NHSL1: variants seen among roughly 807,000 people sequenced by gnomAD.
NHSL1 encodes the protein NHS-like protein 1.
Under a neutral mutation model 95.0 loss-of-function variants are expected in NHSL1, and 48 were observed. The observed-to-expected ratio is 0.51, with a 90% CI of 0.40 to 0.64. The LOEUF is 0.64. Ranked by LOEUF, NHSL1 falls within the 30% of genes least tolerant of loss-of-function variation. The probability of loss-of-function intolerance (pLI) is 0.00; values close to 1 mark genes in which losing one functional copy is unlikely to be tolerated. For missense variants in NHSL1, 1,971 were observed against 2,077.7 expected (o/e 0.95, Z 1.00); for synonymous variants, 783 against 833.9 (o/e 0.94, Z 1.05).
At chr6:138,677,809 CCCA>C (rs1170325136) in intron 1 of NHSL1, among the ~76,000 whole-genome samples, 1 of 152,194 alleles carries the variant, frequency 6.6e-6, no homozygotes, top group African/African-American at 2.4e-5. Context: ...GTCTGCTGGG[CCCA>C]CCCCCAGTGA....
At chr6:138,662,712 C>T (rs1299569995) in intron 1 of NHSL1, among the ~76,000 whole-genome samples, 2 of 151,852 alleles carry the variant, frequency 1.3e-5, no homozygotes, top group Non-Finnish European at 2.9e-5. Flanking sequence ...TATATGACGA[C>T]TATTCATTTA....
intron 1 of NHSL1, among the ~76,000 whole-genome samples, chr6:138,666,590 CAAAA>C (rs10564684): frequency 1.2e-3 from 104 of 89,294 alleles, no homozygotes; most frequent in African/African-American, 4.3e-3. Flanking sequence ...GCCTCCATCT[CAAAA>C]AAAAAAAAAA....
intron 1 of NHSL1, among the ~76,000 whole-genome samples, chr6:138,556,091 C>A (rs535822952): frequency 2.0e-5 from 3 of 152,114 alleles, no homozygotes; most frequent in African/African-American, 4.8e-5. Flanking sequence ...CATATATTTA[C>A]TAAAATGCTT....
At chr6:138,581,490 G>A (rs1006777743) in intron 1 of NHSL1, among the ~76,000 whole-genome samples, 3 of 151,730 alleles carry the variant, frequency 2.0e-5, no homozygotes, top group Non-Finnish European at 2.9e-5. Flanking sequence ...TCAGAAGTTC[G>A]AGACCAGCCT....
At chr6:138,653,810 A>T (rs1457242261) in intron 1 of NHSL1, among the ~76,000 whole-genome samples, 2 of 152,222 alleles carry the variant, frequency 1.3e-5, no homozygotes, top group Non-Finnish European at 2.9e-5. Flanking sequence ...TATTCAAAAC[A>T]CAAATACATA....
chr6:138,512,254 C>G (rs1433344464), intron 1 of NHSL1: 1 of 453,868 alleles, frequency 2.2e-6, no homozygotes, highest in Non-Finnish European at 4.4e-6. Context: ...CTTATTACAA[C>G]TGCTTTCTGA....
At chr6:138,668,630 T>C (rs184906043) in intron 1 of NHSL1, among the ~76,000 whole-genome samples, 22 of 149,168 alleles carry the variant, frequency 1.5e-4, no homozygotes, top group African/African-American at 5.1e-4. Context: ...TTTTTTCTTT[T>C]TTTTTTTTTT....
chr6:138,489,407 CAA>C (rs1271960238), intron 2 of NHSL1, among the ~76,000 whole-genome samples: 1 of 152,026 alleles, frequency 6.6e-6, no homozygotes, highest in African/African-American at 2.4e-5. Context: ...TAGTATGTAA[CAA>C]AGTCAGGATT....
Position 138,469,312 on chromosome 6 carries a change from G to A in NHSL1, c.339+3994C>T, listed in dbSNP as rs9495088. Among the ~76,000 whole-genome samples, 1,223 of 152,316 alleles carry A rather than the reference G, an allele frequency of 8.0e-3. 11 individuals are homozygous for A. Among genetic ancestry groups the A allele is most frequent in the African/African-American group, 0.026 (1,101 of 41,566 alleles). The stretch of plus-strand genomic sequence containing the variant: ...CTGAAGACATTCGCACATGAGTTAC[G>A]TAGAGGGACCTGCAGGAAGCGGTAG... On this transcript the variant is annotated intron_variant, in intron 3 of 7. Transcript: ENST00000343505.
intron 1 of NHSL1, among the ~76,000 whole-genome samples, chr6:138,682,341 T>G (rs1160505441): frequency 6.6e-6 from 1 of 152,214 alleles, no homozygotes; most frequent in Non-Finnish European, 1.5e-5. Flanking sequence ...AATTTTTAGA[T>G]AAAATATGCT....
chr6:138,626,893 CA>C (rs71009593), intron 1 of NHSL1, among the ~76,000 whole-genome samples: 119 of 7,748 alleles, frequency 0.015, no homozygotes, highest in Non-Finnish European at 0.018. Flanking sequence ...GACTCCGTCT[CA>C]AAAAAAAAAA....
At chr6:138,601,702 C>T (rs187388697) in intron 1 of NHSL1, among the ~76,000 whole-genome samples, 13 of 152,136 alleles carry the variant, frequency 8.5e-5, no homozygotes, top group Admixed American at 7.2e-4. Context: ...GTCCCAGCTA[C>T]TCGGGAGGCT....
chr6:138,580,518 G>A (rs777394929), intron 1 of NHSL1, among the ~76,000 whole-genome samples: 1 of 152,132 alleles, frequency 6.6e-6, no homozygotes, highest in Non-Finnish European at 1.5e-5. Flanking sequence ...GACGTGGGAA[G>A]CCATGACTTA....
At chr6:138,598,779 T>C (rs1457295056) in intron 1 of NHSL1, among the ~76,000 whole-genome samples, 2 of 152,158 alleles carry the variant, frequency 1.3e-5, no homozygotes, top group Admixed American at 6.6e-5. Flanking sequence ...CTCTTTGTGG[T>C]AGGGTGGGTG....
intron 1 of NHSL1, among the ~76,000 whole-genome samples, chr6:138,512,111 CA>C (rs1381746178): frequency 6.6e-6 from 1 of 152,194 alleles, no homozygotes; most frequent in Non-Finnish European, 1.5e-5. Context: ...AAAGCTGCCA[CA>C]ATCAATTCTC....
At chr6:138,434,277 T>A (rs1425532502) in intron 5 of NHSL1, among the ~76,000 whole-genome samples, 1 of 152,158 alleles carries the variant, frequency 6.6e-6, no homozygotes, top group Non-Finnish European at 1.5e-5. Flanking sequence ...TGTCTGTTGG[T>A]GACATTCAAA....
chr6:138,472,499 C>G (rs1778817945), intron 3 of NHSL1, among the ~76,000 whole-genome samples: 1 of 151,902 alleles, frequency 6.6e-6, no homozygotes, highest in Non-Finnish European at 1.5e-5. Context: ...ATAATGTTCT[C>G]CAATCAATAA....
At chr6:138,591,002 GTA>G (rs1239269810) in intron 1 of NHSL1, among the ~76,000 whole-genome samples, 1 of 152,170 alleles carries the variant, frequency 6.6e-6, no homozygotes, top group Non-Finnish European at 1.5e-5. Context: ...GCAGGCCTGT[GTA>G]TTGACCATTG....
At chr6:138,663,287 G>C (rs1204771295) in intron 1 of NHSL1, among the ~76,000 whole-genome samples, 3 of 152,010 alleles carry the variant, frequency 2.0e-5, no homozygotes, top group African/African-American at 7.2e-5. Flanking sequence ...TAGGCCAGGC[G>C]TGGTGGGTCA....
Sources: allele counts gnomAD v4.1 joint callset (sites outside exome capture counted in the v4.1 genomes callset), GRCh38; gene constraint gnomAD v4.1.1; transcripts MANE v1.5; gene names NCBI Gene and HGNC (gene_info 2026-07-23, HGNC 2026-07-21).